The following PCDHA4 variants were observed in gnomAD, a reference collection of about 807,000 sequenced individuals.
PCDHA4 encodes protocadherin alpha 4.
In PCDHA4, 49 loss-of-function variants were observed where a neutral mutation model predicts 61.4. The ratio of observed to expected loss-of-function variants is 0.80; its 90% CI spans 0.63 to 1.01. The LOEUF (loss-of-function observed/expected upper bound fraction) is 1.01, where lower values mean the gene tolerates loss of function less well. PCDHA4 is among the 50% of genes least tolerant of loss of function. The pLI is 0.00. For missense variants in PCDHA4, 1,254 were observed against 1,235.8 expected (o/e 1.01, Z -0.22); for synonymous variants, 590 against 550.3 (o/e 1.07, Z -1.01).
At chr5:140,825,989 G>A (rs1261302386) in intron 1 of PCDHA4, 1 of 152,210 alleles carries the variant, frequency 6.6e-6, no homozygotes, top group Non-Finnish European at 1.5e-5. Context: ...GGATTTATAG[G>A]TAGTAAATAG....
In PCDHA4 at chr5:140,846,371, T is replaced by C. The variant is rs1395202174; in HGVS notation, c.2385+36799T>C. On this transcript the variant is annotated intron_variant, in intron 1 of 3. Transcript: ENST00000530339. ...CTCTTTTTTCTTTTCTTTTCTTTCTTTCTTTTTTTTTTTTTTTTTTTGAGA... is the reference window on the plus strand; with the variant it reads ...CTCTTTTTTCTTTTCTTTTCTTTCTCTCTTTTTTTTTTTTTTTTTTTGAGA... Among the ~76,000 whole-genome samples the C allele has an allele frequency of 3.6e-5, 4 of 111,996 alleles. 2 individuals carry two copies. Among genetic ancestry groups the C allele is most frequent in the Non-Finnish European group, 7.2e-5 (4 of 55,194 alleles). 73.5% of individuals were successfully genotyped at this position (111,996 alleles called of 152,430 possible).
intron 1 of PCDHA4, chr5:140,810,412 C>G (rs546354293): frequency 6.6e-6 from 1 of 152,182 alleles, no homozygotes; most frequent in Admixed American, 6.5e-5. Flanking sequence ...TAACACCAAC[C>G]AATTTTCCAA....
intron 1 of PCDHA4, chr5:140,863,175 C>T (rs1562576204): frequency 1.4e-6 from 1 of 718,568 alleles, no homozygotes; most frequent in South Asian, 1.3e-5. Context: ...CGCTGACTGC[C>T]ACCGTCACCG....
intron 3 of PCDHA4, among the ~76,000 whole-genome samples, chr5:140,990,780 GACGATGA>G (rs1554251732): frequency 6.6e-6 from 1 of 152,192 alleles, no homozygotes; most frequent in Non-Finnish European, 1.5e-5. Flanking sequence ...CTCTGTGTTG[GACGATGA>G]ACCATGGAAT....
chr5:140,823,471 G>A (rs1554129365), intron 1 of PCDHA4: 8 of 1,613,470 alleles, frequency 5.0e-6, no homozygotes, highest in Non-Finnish European at 6.8e-6. Context: ...GGCGCTGCTG[G>A]TGCCTCGAGT....
intron 1 of PCDHA4, among the ~76,000 whole-genome samples, chr5:140,892,931 G>A (rs77081198): frequency 0.011 from 1,609 of 152,196 alleles, 17 homozygotes; most frequent in African/African-American, 0.028. Flanking sequence ...CCCAGCCTCT[G>A]ATAAGCACAA....
At chr5:140,967,872 A>C (rs2096192784) in intron 1 of PCDHA4, 2 of 1,614,034 alleles carry the variant, frequency 1.2e-6, no homozygotes, top group Non-Finnish European at 1.7e-6. Context: ...GTGCTCACGG[A>C]CCTGTATAGC....
intron 3 of PCDHA4, among the ~76,000 whole-genome samples, chr5:140,997,125 A>C (rs2097760835): frequency 6.6e-6 from 1 of 152,072 alleles, no homozygotes; most frequent in Admixed American, 6.6e-5. Context: ...CCACATACAC[A>C]ATGCCCCCAC....
chr5:141,002,923 C>T (rs1261794185), intron 3 of PCDHA4, among the ~76,000 whole-genome samples: 6 of 152,220 alleles, frequency 3.9e-5, no homozygotes, highest in African/African-American at 1.2e-4. Flanking sequence ...AAAGTGAACA[C>T]CCTCCAACAC....
intron 1 of PCDHA4, chr5:140,817,042 G>A (rs2126677218): frequency 3.9e-5 from 6 of 152,156 alleles, no homozygotes; most frequent in African/African-American, 1.4e-4. Flanking sequence ...GCTGAGCTGA[G>A]TTTCTCTCTG....
At chr5:140,920,989 A>C (rs1409702083) in intron 1 of PCDHA4, among the ~76,000 whole-genome samples, 1 of 151,756 alleles carries the variant, frequency 6.6e-6, no homozygotes, top group Non-Finnish European at 1.5e-5. Context: ...GTATTTGCTT[A>C]TTTTTTCAGA....
At chr5:140,872,638 G>A (rs1429990038) in intron 1 of PCDHA4, among the ~76,000 whole-genome samples, 2 of 152,092 alleles carry the variant, frequency 1.3e-5, no homozygotes, top group Admixed American at 1.3e-4. Flanking sequence ...TTTGTTCCAT[G>A]AAAAGGCAAG....
intron 1 of PCDHA4, chr5:140,926,750 G>T: frequency 8.0e-7 from 1 of 1,256,516 alleles, no homozygotes; most frequent in East Asian, 2.9e-5. Context: ...AACGTCGGCG[G>T]TCGCTGAGTA....
At chr5:140,990,662 T>C (rs1554251660) in intron 3 of PCDHA4, among the ~76,000 whole-genome samples, 1 of 152,182 alleles carries the variant, frequency 6.6e-6, no homozygotes, top group African/African-American at 2.4e-5. Context: ...ATGATTTACA[T>C]TAGATGCACA....
chr5:140,830,188 C>T, intron 1 of PCDHA4: 1 of 1,613,672 alleles, frequency 6.2e-7, no homozygotes, highest in South Asian at 1.1e-5. Flanking sequence ...TCAACGTGTA[C>T]CTGATCATCG....
At position 140,877,217 on chromosome 5, in the gene PCDHA4, C is replaced by T. The variant is rs571871387; in HGVS notation, c.2385+67645C>T. ...GGAGGCGCAGTTAGCGAGTTGGTAC[C>T]GCGGTCGGTGGGTGCGGGCCACGTG... On this transcript the variant is annotated intron_variant, in intron 1 of 3. Coordinates refer to ENST00000530339, the MANE Select transcript of PCDHA4 (RefSeq NM_018907.4). 144 of 1,613,624 alleles carry T rather than the reference C, an allele frequency of 8.9e-5. No individual in the cohort carries two copies. Among genetic ancestry groups the T allele is most frequent in the Non-Finnish European group, 1.2e-4 (138 of 1,179,784 alleles).
chr5:140,857,740 G>A (rs1019130313), intron 1 of PCDHA4: 1 of 1,597,496 alleles, frequency 6.3e-7, no homozygotes, highest in African/African-American at 1.3e-5. Flanking sequence ...CTCCCGCGCT[G>A]CTGGCGTCTC....
At chr5:140,901,297 T>C (rs1224181769) in intron 1 of PCDHA4, among the ~76,000 whole-genome samples, 1 of 152,234 alleles carries the variant, frequency 6.6e-6, no homozygotes, top group Non-Finnish European at 1.5e-5. Context: ...CAGACTGATG[T>C]TCCGGAGAGT....
intron 1 of PCDHA4, chr5:140,968,530 A>G (rs1554230830): frequency 6.2e-7 from 1 of 1,614,174 alleles, no homozygotes; most frequent in East Asian, 2.2e-5. Context: ...CCAACTCGTC[A>G]GCAGCCTTCG....
Sources: allele counts gnomAD v4.1 joint callset (sites outside exome capture counted in the v4.1 genomes callset), GRCh38; gene constraint gnomAD v4.1.1; transcripts MANE v1.5; gene names NCBI Gene and HGNC (gene_info 2026-07-23, HGNC 2026-07-21).